The following SLC47A2 variants were observed in gnomAD, a reference collection of about 807,000 sequenced individuals.
SLC47A2 encodes the protein multidrug and toxin extrusion protein 2.
A neutral mutation model predicts 67.7 loss-of-function variants in SLC47A2; 52 were observed. The ratio of observed to expected loss-of-function variants is 0.77; its 90% CI spans 0.61 to 0.97. The LOEUF is 0.97. SLC47A2 is among the 50% of genes least tolerant of loss of function. SLC47A2 has a pLI of 0.00. For synonymous variants in SLC47A2, 278 were observed against 292.9 expected (o/e 0.95, Z 0.52); for missense variants, 676 against 712.3 (o/e 0.95, Z 0.58).
At chr17:19,692,227 CAAAAA>C in intron 13 of SLC47A2, 12 of 364,834 alleles carry the variant, frequency 3.3e-5, no homozygotes, top group Admixed American at 1.1e-4. Flanking sequence ...GACTCCATGT[CAAAAA>C]AAAAAAAAAG....
intron 13 of SLC47A2, among the ~76,000 whole-genome samples, chr17:19,697,263 A>C (rs1372236540): frequency 6.6e-6 from 1 of 152,080 alleles, no homozygotes; most frequent in Non-Finnish European, 1.5e-5. Flanking sequence ...GTGCTACTAC[A>C]CTCCAGCCTG....
intron 13 of SLC47A2, among the ~76,000 whole-genome samples, chr17:19,682,577 C>T (rs932766797): frequency 6.6e-6 from 1 of 152,182 alleles, no homozygotes; most frequent in Non-Finnish European, 1.5e-5. Flanking sequence ...GACTCTCCTG[C>T]CTCCCTCTTC....
chr17:19,702,815 C>A lies in SLC47A2; in HGVS notation c.1095-141G>T, dbSNP rs112969357. 4,247 of 1,009,252 alleles carry A rather than the reference C, an allele frequency of 4.2e-3. 99 individuals are homozygous for A. In the African/African-American group the frequency reaches 0.058, roughly 14 times the overall value. 62.5% of individuals were successfully genotyped at this position (1,009,252 alleles called of 1,614,324 possible). On this transcript the variant is annotated intron_variant, in intron 12 of 16. Coordinates refer to ENST00000433844, the MANE Select transcript of SLC47A2 (RefSeq NM_001099646.3). Reference sequence around the variant, plus strand: ...CCCCACACAAATGTAACTGGCACTGCTAGCCCAGAGTTTTCTGTGTCTGTG... The same window carrying A: ...CCCCACACAAATGTAACTGGCACTGATAGCCCAGAGTTTTCTGTGTCTGTG...
chr17:19,712,626 C>T (rs368850376), intron 5 of SLC47A2, 77 bp downstream of exon 5: 10 of 1,483,520 alleles, frequency 6.7e-6, no homozygotes, highest in African/African-American at 4.1e-5. Context: ...GGATCTTCCG[C>T]AGCAGATAGA....
At chr17:19,682,334 C>A (rs537515516) in intron 13 of SLC47A2, among the ~76,000 whole-genome samples, 6 of 143,850 alleles carry the variant, frequency 4.2e-5, no homozygotes, top group Admixed American at 3.7e-4. Context: ...CTTGGTCACA[C>A]ACACACACAC....
chr17:19,706,914 C>A (rs2085954723), intron 8 of SLC47A2, among the ~76,000 whole-genome samples, 153 bp from the exon 9 acceptor site: 1 of 152,172 alleles, frequency 6.6e-6, no homozygotes, highest in African/African-American at 2.4e-5. Context: ...GGGAATGCAG[C>A]TGGTCTAGAG....
intron 13 of SLC47A2, among the ~76,000 whole-genome samples, chr17:19,684,712 T>A (rs1412951754): frequency 3.3e-5 from 5 of 149,770 alleles, no homozygotes; most frequent in Admixed American, 6.6e-5. Context: ...AAAAAAAAAA[T>A]TAAAAGTTAA....
intron 9 of SLC47A2, among the ~76,000 whole-genome samples, chr17:19,706,297 A>T (rs781319099): frequency 1.8e-4 from 28 of 152,068 alleles, no homozygotes; most frequent in Non-Finnish European, 3.4e-4. Context: ...CTCTGCTCAC[A>T]CCCGCAAACC....
At chr17:19,713,738 G>T in intron 4 of SLC47A2, 87 bp downstream of exon 4, 1 of 1,530,990 alleles carries the variant, frequency 6.5e-7, no homozygotes, top group Non-Finnish European at 8.8e-7. Context: ...AGAAGCATGG[G>T]GTGTGAGGGC....
At position 19,689,629 on chromosome 17, in the gene SLC47A2, C is replaced by T. The variant is rs141598914; in HGVS notation, c.1165-7959G>A. Among the ~76,000 whole-genome samples, 787 of 149,242 alleles carry T rather than the reference C, an allele frequency of 5.3e-3. 6 individuals are homozygous for T. Among genetic ancestry groups the T allele is most frequent in the Admixed American group, 0.011 (158 of 14,888 alleles). On this transcript the variant is annotated intron_variant, in intron 13 of 16. Transcript: ENST00000433844. ...AGAGGATCACCTGAGCTCAGGAGGTCAAGGCTGCAGTAAGCCATGATCATG... is the reference window on the plus strand; with the variant it reads ...AGAGGATCACCTGAGCTCAGGAGGTTAAGGCTGCAGTAAGCCATGATCATG...
chr17:19,702,943 A>G lies in SLC47A2; in HGVS notation c.1094+149T>C. 3.3e-6 allele frequency: 3 copies of G among 904,744 alleles called. No individual in the cohort carries two copies. The Admixed American group carries it at 6.9e-5, about 21-fold the overall frequency. The allele number at this position is 904,744 out of a possible 1,614,324, so 56.0% of individuals were successfully genotyped here. A position where few individuals can be genotyped will look rare whatever the true frequency, so the allele number is the denominator to read the frequency against. On this transcript the variant is annotated intron_variant, in intron 12 of 16. Transcript: ENST00000433844. ...CTAAAGGCCTGGGGTGGATAGACAG[A>G]AGTTGGCTTCCTCTCAGTGAGAGCC...
chr17:19,716,359 T>G (rs2086265577), intron 1 of SLC47A2, 74 bp downstream of exon 1: 1 of 1,506,526 alleles, frequency 6.6e-7, no homozygotes, highest in Non-Finnish European at 8.9e-7. Flanking sequence ...TTCTGGATCC[T>G]GCCTGCAAGG....
chr17:19,716,100 A>C, intron 1 of SLC47A2: 1 of 269,830 alleles, frequency 3.7e-6, no homozygotes. Flanking sequence ...CCCCCTGCGA[A>C]GGTGCTGCAG....
intron 13 of SLC47A2, chr17:19,702,218 C>G: frequency 1.0e-6 from 1 of 985,260 alleles, no homozygotes; most frequent in Non-Finnish European, 1.2e-6. Flanking sequence ...TGGGCTCGTT[C>G]CCTTGTAGAA....
At chr17:19,699,913 G>A (rs760154047) in intron 13 of SLC47A2, among the ~76,000 whole-genome samples, 1 of 152,158 alleles carries the variant, frequency 6.6e-6, no homozygotes, top group East Asian at 1.9e-4. Context: ...AACAAAGGCA[G>A]TATTTCCATA....
intron 11 of SLC47A2, 81 bp from the exon 12 acceptor site, chr17:19,703,248 T>TA: frequency 7.5e-7 from 1 of 1,336,754 alleles, no homozygotes; most frequent in East Asian, 2.3e-5. Context: ...GGCTGGCCCC[T>TA]ATGTCAGTGC....
intron 12 of SLC47A2, 83 bp from the exon 13 acceptor site, chr17:19,702,757 C>T: frequency 1.4e-6 from 2 of 1,459,010 alleles, no homozygotes; most frequent in Non-Finnish European, 1.9e-6. Flanking sequence ...CACCCCACCC[C>T]CACAAGAAAA....
At chr17:19,713,707 C>T in intron 4 of SLC47A2, 118 bp downstream of exon 4, 4 of 1,415,390 alleles carry the variant, frequency 2.8e-6, no homozygotes, top group Non-Finnish European at 3.8e-6. Context: ...GCACCGTGCA[C>T]TGTGAGCACT....
Position 19,706,621 on chromosome 17 carries a change from T to C in SLC47A2, c.841+27A>G, listed in dbSNP as rs190062036. 47 of 1,545,892 alleles carry C rather than the reference T, an allele frequency of 3.0e-5. No homozygotes were observed. In the East Asian group the frequency reaches 7.0e-4, roughly 23 times the overall value. On this transcript the variant is annotated intron_variant, in intron 9 of 16. Coordinates refer to ENST00000433844, the MANE Select transcript of SLC47A2 (RefSeq NM_001099646.3). ...GGCTGGGTGAGCCGCCCACACGCCA[T>C]TGCGCCCCCCATCCTCTTCCACGTA...
Sources: allele counts gnomAD v4.1 joint callset (sites outside exome capture counted in the v4.1 genomes callset), GRCh38; gene constraint gnomAD v4.1.1; transcripts MANE v1.5; gene names NCBI Gene and HGNC (gene_info 2026-07-23, HGNC 2026-07-21).